ADGRB3: variants seen among roughly 807,000 people sequenced by gnomAD.
The protein encoded by ADGRB3 is brain-specific angiogenesis inhibitor 3.
In ADGRB3, 37 loss-of-function variants were observed where a neutral mutation model predicts 193.4. That is an observed-to-expected ratio of 0.19 (90% confidence interval 0.15 to 0.25). The LOEUF (loss-of-function observed/expected upper bound fraction) is 0.25, where lower values mean the gene tolerates loss of function less well. ADGRB3 is among the 10% of genes least tolerant of loss of function. ADGRB3 has a pLI of 1.00. For missense variants in ADGRB3, 1,637 were observed against 1,852.9 expected (o/e 0.88, Z 2.14); for synonymous variants, 690 against 644.2 (o/e 1.07, Z -1.08).
intron 13 of ADGRB3, among the ~76,000 whole-genome samples, chr6:69,035,447 A>C (rs1296942677): frequency 6.6e-6 from 1 of 152,168 alleles, no homozygotes; most frequent in Non-Finnish European, 1.5e-5. Flanking sequence ...TATAATAATT[A>C]GTCAAGAGAG....
chr6:69,050,966 C>A (rs1201057486), intron 15 of ADGRB3, among the ~76,000 whole-genome samples: 1 of 152,108 alleles, frequency 6.6e-6, no homozygotes, highest in East Asian at 1.9e-4. Context: ...CATATAATCT[C>A]ATAGCACTCA....
At chr6:68,843,054 A>C (rs79334356) in intron 3 of ADGRB3, among the ~76,000 whole-genome samples, 10 of 107,232 alleles carry the variant, frequency 9.3e-5, no homozygotes, top group Admixed American at 2.0e-4. Context: ...ACAACAACAA[A>C]AAAAAAAACA....
chr6:68,848,441 T>C (rs1439200478), intron 3 of ADGRB3, among the ~76,000 whole-genome samples: 1 of 152,086 alleles, frequency 6.6e-6, no homozygotes. Context: ...AGTGTTTTCA[T>C]TTAAAATGAG....
intron 16 of ADGRB3, among the ~76,000 whole-genome samples, chr6:69,075,569 G>A (rs1473885735): frequency 6.6e-6 from 1 of 152,092 alleles, no homozygotes; most frequent in Non-Finnish European, 1.5e-5. Flanking sequence ...CTGAAGAGGA[G>A]GTAGTGGTGG....
intron 3 of ADGRB3, among the ~76,000 whole-genome samples, chr6:68,840,353 T>TC (rs979788258): frequency 3.7e-5 from 5 of 133,552 alleles, no homozygotes; most frequent in Admixed American, 8.1e-5. Flanking sequence ...GGCAGTGGAG[T>TC]AAGGCACTGG....
intron 31 of ADGRB3, among the ~76,000 whole-genome samples, chr6:69,383,336 C>T (rs1029799155): frequency 6.6e-6 from 1 of 151,826 alleles, no homozygotes; most frequent in African/African-American, 2.4e-5. Flanking sequence ...AACCTGAAAC[C>T]AGAGTGATAG....
At chr6:68,901,692 T>C (rs1766397586) in intron 3 of ADGRB3, among the ~76,000 whole-genome samples, 1 of 152,162 alleles carries the variant, frequency 6.6e-6, no homozygotes, top group Admixed American at 6.6e-5. Context: ...AAATATTAGA[T>C]AAAAAGTCCT....
chr6:69,228,555 A>G (rs964587809), intron 17 of ADGRB3, among the ~76,000 whole-genome samples: 1 of 152,206 alleles, frequency 6.6e-6, no homozygotes, highest in African/African-American at 2.4e-5. Flanking sequence ...CCTTGTTGTT[A>G]TGGTATGAAG....
Position 69,186,943 on chromosome 6 carries a change from TG to T in ADGRB3, c.2481-46346del, listed in dbSNP as rs1765083858. ...ATAGCAAGGTTTTTTTTTTGTTTTTTGTTTTTTTTTTTTGACAACGCATGCA... is the reference window on the plus strand; with the variant it reads ...ATAGCAAGGTTTTTTTTTTGTTTTTTTTTTTTTTTTTTGACAACGCATGCA... On this transcript the variant is annotated intron_variant, in intron 17 of 31. Transcript: ENST00000370598. Among the ~76,000 whole-genome samples, 5 of 142,474 alleles carry T rather than the reference TG, an allele frequency of 3.5e-5. No individual in the cohort carries two copies. The South Asian group carries it at 8.6e-4, about 24-fold the overall frequency. The allele number at this position is 142,474 out of a possible 152,430, so 93.5% of individuals were successfully genotyped here. A position where few individuals can be genotyped will look rare whatever the true frequency, so the allele number is the denominator to read the frequency against.
chr6:69,325,049 G>A (rs1418035196), intron 21 of ADGRB3, 27 bp downstream of exon 21: 1 of 1,597,310 alleles, frequency 6.3e-7, no homozygotes, highest in African/African-American at 1.4e-5. Flanking sequence ...ACCGTTTCAT[G>A]CTCTTCTCAA....
At chr6:68,750,325 A>C (rs1306578174) in intron 3 of ADGRB3, among the ~76,000 whole-genome samples, 1 of 152,176 alleles carries the variant, frequency 6.6e-6, no homozygotes, top group Admixed American at 6.5e-5. Flanking sequence ...ATTACAATCT[A>C]TGTGACTCGG....
intron 27 of ADGRB3, among the ~76,000 whole-genome samples, chr6:69,354,834 T>C (rs1051431264): frequency 2.0e-5 from 3 of 152,170 alleles, no homozygotes; most frequent in Non-Finnish European, 4.4e-5. Context: ...GCCACTCTTT[T>C]AGTGAAAGAC....
In ADGRB3 at chr6:68,732,840, T is replaced by C. The variant is rs1036186857; in HGVS notation, c.757+93408T>C. ...GTATAGTCAGGATTAAGAACAATTA[T>C]TCATAGTTCTCAAACTTTGAGCAGC... On this transcript the variant is annotated intron_variant, in intron 3 of 31. Transcript: ENST00000370598. Among the ~76,000 whole-genome samples the C allele has an allele frequency of 7.2e-5, 11 of 151,948 alleles. No individual in the cohort carries two copies. In the Admixed American group the frequency reaches 7.2e-4, roughly 10 times the overall value.
chr6:68,776,431 G>A (rs891671128), intron 3 of ADGRB3, among the ~76,000 whole-genome samples: 4 of 152,108 alleles, frequency 2.6e-5, no homozygotes, highest in Non-Finnish European at 4.4e-5. Flanking sequence ...GCATGAATGG[G>A]GTATGACCCC....
chr6:69,083,476 TA>T (rs1249473060), intron 17 of ADGRB3, among the ~76,000 whole-genome samples: 3 of 152,130 alleles, frequency 2.0e-5, no homozygotes, highest in African/African-American at 7.2e-5. Context: ...TAAACAAAAA[TA>T]ACTTTTTTAT....
chr6:68,855,307 T>C (rs1764951363), intron 3 of ADGRB3, among the ~76,000 whole-genome samples: 2 of 152,302 alleles, frequency 1.3e-5, no homozygotes, highest in Non-Finnish European at 2.9e-5. Context: ...CAAGTTATAG[T>C]GTCTTCAAAT....
chr6:68,856,090 T>A (rs540955), intron 3 of ADGRB3, among the ~76,000 whole-genome samples: 67,928 of 152,100 alleles, frequency 0.45, 16,544 homozygotes, highest in East Asian at 0.6. Context: ...TCCACATAAG[T>A]TGAGACTTGC....
At chr6:69,327,146 TA>T (rs149349386) in intron 21 of ADGRB3, among the ~76,000 whole-genome samples, 14 of 149,398 alleles carry the variant, frequency 9.4e-5, no homozygotes, top group South Asian at 2.1e-4. Context: ...TAACCAAAAC[TA>T]AAAAAAAAAT....
rs1768008403 is a variant in ADGRB3, at chr6:68,638,665, A to G, written c.-11A>G. 1.9e-6 allele frequency: 3 copies of G among 1,599,106 alleles called. No individual in the cohort carries two copies. Among genetic ancestry groups the G allele is most frequent in the African/African-American group, 1.4e-5 (1 of 74,010 alleles). ...CTTTCATTGCCATTTTTACAGGCCA[A>G]ATGACATAGGATGAAGGCTGTTCGT... is the stretch of plus-strand genomic sequence containing the variant. On this transcript the variant is annotated 5_prime_UTR_variant, in exon 3 of 32. Coordinates refer to ENST00000370598, the MANE Select transcript of ADGRB3 (RefSeq NM_001704.3).
Sources: gnomAD v4.1 joint callset for allele counts (sites outside exome capture counted in the v4.1 genomes callset) on GRCh38, gnomAD v4.1.1 for gene constraint, MANE v1.5 for transcripts, NCBI Gene and HGNC (gene_info 2026-07-23, HGNC 2026-07-21) for gene names.